The following UBR4 variants were observed in gnomAD, a reference collection of about 807,000 sequenced individuals.
UBR4 encodes ubiquitin protein ligase E3 component n-recognin 4, also known as E3 ubiquitin-protein ligase UBR4.
Under a neutral mutation model 575.6 loss-of-function variants are expected in UBR4, and 124 were observed. That is an observed-to-expected ratio of 0.22 (90% confidence interval 0.19 to 0.25). UBR4 has a LOEUF of 0.25. UBR4 is among the 10% of genes least tolerant of loss of function. UBR4 has a pLI of 1.00. For synonymous variants in UBR4, 2,455 were observed against 2,473.7 expected (o/e 0.99, Z 0.22); for missense variants, 4,818 against 6,478.8 (o/e 0.74, Z 8.80).
At chr1:19,180,856 T>C (rs2090873558) in intron 17 of UBR4, among the ~76,000 whole-genome samples, 1 of 152,124 alleles carries the variant, frequency 6.6e-6, no homozygotes, top group African/African-American at 2.4e-5. Context: ...CTCTAAGAAG[T>C]CAAACTGCAC....
intron 1 of UBR4, 103 bp downstream of exon 1, chr1:19,209,970 C>T (rs1418908927): frequency 1.5e-6 from 2 of 1,353,688 alleles, no homozygotes; most frequent in African/African-American, 1.5e-5. Context: ...TGGCGGGGAT[C>T]CTCAAGGGGG....
At chr1:19,135,602 T>C (rs796928404) in intron 60 of UBR4, among the ~76,000 whole-genome samples, 34 of 152,304 alleles carry the variant, frequency 2.2e-4, no homozygotes, top group African/African-American at 8.2e-4. Context: ...ATCTTTCAAA[T>C]TTATTCCTAT....
chr1:19,115,229 A>ACT (rs370299174), intron 74 of UBR4, among the ~76,000 whole-genome samples, 169 bp downstream of exon 74: 34 of 150,206 alleles, frequency 2.3e-4, no homozygotes, highest in African/African-American at 8.4e-4. Context: ...ACACTCACTC[A>ACT]CTCTCTCTTC....
At chr1:19,208,660 G>A (rs1362193539) in intron 1 of UBR4, among the ~76,000 whole-genome samples, 2 of 152,074 alleles carry the variant, frequency 1.3e-5, no homozygotes, top group African/African-American at 2.4e-5. Flanking sequence ...TTCAAACCTA[G>A]TGATGTATTT....
In UBR4 at chr1:19,172,900, G is replaced by A. The variant is rs746952100; in HGVS notation, c.3485C>T (p.Thr1162Met). Residue 1162 changes from threonine to methionine, a missense_variant, in exon 25 of 106, where the codon ACG becomes ATG. Coordinates refer to ENST00000375254, the MANE Select transcript of UBR4 (RefSeq NM_020765.3). Reference sequence around the variant, plus strand: ...TGCATAGGTGTCAATGAGTTGCAGCGTGGCTGGAAGTAGGTTCTTGGTAAT... The same window carrying A: ...TGCATAGGTGTCAATGAGTTGCAGCATGGCTGGAAGTAGGTTCTTGGTAAT... ...SEITKNLLPA[T>M]LQLIDTYASF... The A allele has an allele frequency of 1.7e-5, 28 of 1,614,092 alleles. No homozygotes were observed. Among genetic ancestry groups the A allele is most frequent in the South Asian group, 8.8e-5 (8 of 91,092 alleles).
chr1:19,187,116 T>A, intron 13 of UBR4, 48 bp downstream of exon 13: 1 of 1,444,658 alleles, frequency 6.9e-7, no homozygotes, highest in Non-Finnish European at 9.3e-7. Flanking sequence ...ATCATATATA[T>A]AAAATGAGAC....
chr1:19,150,645 G>A lies in UBR4; in HGVS notation c.7362C>T (p.Asn2454=), dbSNP rs746614937. The change falls in exon 49 of 106, where the codon AAC becomes AAT. Residue 2454 remains asparagine, a synonymous_variant. Transcript: ENST00000375254. The stretch of plus-strand genomic sequence containing the variant: ...CGCTATCTCCAGTGCCGTTGCTCTG[G>A]TTCAGATTTGAAGGGCAGATGTTGC... ...SVSNICPSNL[N]QSNGTGDSDS... is the part of the protein sequence containing the mutation. 1.9e-6 allele frequency: 3 copies of A among 1,614,108 alleles called. No homozygotes were observed. Among genetic ancestry groups the A allele is most frequent in the Non-Finnish European group, 1.7e-6 (2 of 1,180,020 alleles).
At chr1:19,199,912 A>T (rs919671539) in intron 2 of UBR4, among the ~76,000 whole-genome samples, 158 bp from the exon 3 acceptor site, 1 of 152,246 alleles carries the variant, frequency 6.6e-6, no homozygotes, top group Non-Finnish European at 1.5e-5. Context: ...TTTGACATCA[A>T]TAACTACCAG....
At chr1:19,154,824 C>G (rs1447430760) in intron 44 of UBR4, 94 bp downstream of exon 44, 1 of 1,540,652 alleles carries the variant, frequency 6.5e-7, no homozygotes, top group Admixed American at 1.8e-5. Context: ...AATTAAGTTT[C>G]ACAAAACTCA....
Position 19,088,839 on chromosome 1 carries a change from C to T in UBR4, c.14350G>A (p.Ala4784Thr), listed in dbSNP as rs1267525331. 3 of 1,614,124 alleles carry T rather than the reference C, an allele frequency of 1.9e-6. No individual in the cohort carries two copies. Among genetic ancestry groups the T allele is most frequent in the East Asian group, 2.2e-5 (1 of 44,870 alleles). The part of the protein sequence containing the change: ...HPDVNKKIDA[A>T]RRETRAEKKR... Reference sequence around the variant, plus strand: ...TTCTCTGCCCGGGTCTCCCTGCGGGCTGCGTCAATCTTCTTGTTTACGTCA... The same window carrying T: ...TTCTCTGCCCGGGTCTCCCTGCGGGTTGCGTCAATCTTCTTGTTTACGTCA... Residue 4784 changes from alanine to threonine, a missense_variant, in exon 98 of 106, where the codon GCC (alanine) becomes ACC (threonine). Physicochemically the swap from Ala to Thr is moderately conservative, Grantham distance 58. This residue lies in a region of UBR4 where 196 missense variants were observed against 386.8 expected (regional missense o/e 0.51). Coordinates refer to ENST00000375254, the MANE Select transcript of UBR4 (RefSeq NM_020765.3). The surrounding 1 kb of genome is among the most constrained non-coding windows in gnomAD (Gnocchi z 4.0).
At chr1:19,155,154 T>C in intron 43 of UBR4, 79 bp from the exon 44 acceptor site, 1 of 1,573,416 alleles carries the variant, frequency 6.4e-7, no homozygotes, top group East Asian at 2.3e-5. Context: ...GGTTATTATT[T>C]TCAATCATGA....
Position 19,128,224 on chromosome 1 carries a change from C to T in UBR4, c.9098G>A (p.Gly3033Asp). The change falls in exon 62 of 106, where the codon GGT (glycine) becomes GAT (aspartate). Residue 3033 changes from glycine to aspartate, a missense_variant. Gly to Asp is a moderately conservative substitution (Grantham distance 94, BLOSUM62 -1). Transcript: ENST00000375254. The stretch of plus-strand genomic sequence containing the variant: ...CTCAGATTTTACCTTTTTATCCATA[C>T]CCAACTCAGCAATAAGCTGGGAGAG... ...NLLSQLIAELGMDKKDVSKKN... is the reference protein window; with the variant it reads ...NLLSQLIAELDMDKKDVSKKN... 6.2e-7 allele frequency: 1 copy of T among 1,614,022 alleles called. No individual in the cohort carries two copies. The highest frequency in any genetic ancestry group is 8.5e-7 in the Non-Finnish European group (1 of 1,179,898).
At position 19,110,072 on chromosome 1, in the gene UBR4, T is replaced by C; in HGVS notation, c.12105+24A>G. On this transcript the variant is annotated intron_variant, in intron 81 of 105. Coordinates refer to ENST00000375254, the MANE Select transcript of UBR4 (RefSeq NM_020765.3). This position sits in a 1 kb window ranked among gnomAD's most constrained non-coding sequence, Gnocchi z 4.5. ...AGGGTGGCCGCCCTGCCCTTCCTTG[T>C]TAGACCCCTGCTTGGCCCAGTACCT... The C allele has an allele frequency of 1.2e-6, 2 of 1,613,546 alleles. No individual in the cohort carries two copies. The highest frequency in any genetic ancestry group is 1.7e-6 in the Non-Finnish European group (2 of 1,179,944).
At chr1:19,178,354 A>G (rs1208491984) in intron 18 of UBR4, among the ~76,000 whole-genome samples, 1 of 152,202 alleles carries the variant, frequency 6.6e-6, no homozygotes, top group East Asian at 1.9e-4. Flanking sequence ...TTGGAAAGAG[A>G]TTTGTGTTTT....
chr1:19,154,312 T>A (rs1233561082), intron 44 of UBR4, among the ~76,000 whole-genome samples: 1 of 152,214 alleles, frequency 6.6e-6, no homozygotes. Context: ...TCCATTTTAT[T>A]TCATCCCAAA....
chr1:19,159,256 C>T (rs1477232207), intron 39 of UBR4, among the ~76,000 whole-genome samples: 8 of 152,146 alleles, frequency 5.3e-5, no homozygotes, highest in Non-Finnish European at 1.5e-5. Context: ...AACTCTGCTG[C>T]TAAAAAAGGC....
intron 99 of UBR4, 71 bp from the exon 100 acceptor site, chr1:19,086,892 G>A: frequency 6.3e-7 from 1 of 1,575,140 alleles, no homozygotes; most frequent in Non-Finnish European, 8.6e-7. Flanking sequence ...CAGAATAGAG[G>A]GGAACTGCCG....
At position 19,177,470 on chromosome 1, in the gene UBR4, T is replaced by C. The variant is rs756279310; in HGVS notation, c.2628A>G (p.Leu876=). The C allele has an allele frequency of 1.2e-6, 2 of 1,613,948 alleles. No homozygotes were observed. The highest frequency in any genetic ancestry group is 1.7e-6 in the Non-Finnish European group (2 of 1,179,864). ...LHQYSKAPVY[L]FEQVQHNLLS... is the part of the protein sequence containing the mutation. The stretch of plus-strand genomic sequence containing the variant: ...ACGTGTTGGTCTGTACCTGCTCAAA[T>C]AGATACACAGGGGCTTTGGAGTACT... The change falls in exon 19 of 106, where the codon CTA becomes CTG. Residue 876 remains leucine (L), a synonymous_variant. Coordinates refer to ENST00000375254, the MANE Select transcript of UBR4 (RefSeq NM_020765.3).
At chr1:19,187,681 C>T in intron 11 of UBR4, 141 bp from the exon 12 acceptor site, 1 of 658,454 alleles carries the variant, frequency 1.5e-6, no homozygotes, top group Non-Finnish European at 2.6e-6. Context: ...ATTGTACATA[C>T]ATACATCTGC....
Sources: allele counts gnomAD v4.1 joint callset (sites outside exome capture counted in the v4.1 genomes callset), GRCh38; gene constraint gnomAD v4.1.1; regional missense constraint gnomAD v4.1.1; non-coding constraint Gnocchi (gnomAD v3.1); transcripts MANE v1.5; gene names NCBI Gene and HGNC (gene_info 2026-07-23, HGNC 2026-07-21).